The following KL variants were observed in gnomAD, a reference collection of about 807,000 sequenced individuals.
KL encodes klotho, also known as alpha-klotho.
In KL, 62 loss-of-function variants were observed where a neutral mutation model predicts 84.2. The ratio of observed to expected loss-of-function variants is 0.74; its 90% CI spans 0.60 to 0.91. KL has a LOEUF of 0.91. Ranked by LOEUF, KL falls within the 40% of genes least tolerant of loss-of-function variation. The probability of loss-of-function intolerance (pLI) is 0.00; values close to 1 mark genes in which losing one functional copy is unlikely to be tolerated. For synonymous variants in KL, 528 were observed against 528.0 expected (o/e 1.00, Z 0.00); for missense variants, 1,261 against 1,305.7 (o/e 0.97, Z 0.53).
chr13:33,062,830 G>A (rs753089327), intron 4 of KL, among the ~76,000 whole-genome samples: 2 of 152,040 alleles, frequency 1.3e-5, no homozygotes, highest in Non-Finnish European at 2.9e-5. Context: ...AGATTTATTT[G>A]TAAGGGGACC....
In KL at chr13:33,055,725, C is replaced by T. The variant is rs184760662; in HGVS notation, c.1599+410C>T. ...TGAGGCAGGAACATTAGGCAGAGTC[C>T]TCCAGAGGCACAACTGTGGGCTCCA... On this transcript the variant is annotated intron_variant, in intron 3 of 4. Coordinates refer to ENST00000380099, the MANE Select transcript of KL (RefSeq NM_004795.4). 6.6e-3 allele frequency among the ~76,000 whole-genome samples: 1,012 copies of T among 152,264 alleles called. 3 individuals carry two copies. The highest frequency in any genetic ancestry group is 9.4e-3 in the Non-Finnish European group (637 of 68,018).
intron 1 of KL, among the ~76,000 whole-genome samples, chr13:33,028,178 A>G (rs1000725563): frequency 6.6e-6 from 1 of 152,168 alleles, no homozygotes; most frequent in African/African-American, 2.4e-5. Flanking sequence ...GAGAATCATG[A>G]TCTTAGGATC....
chr13:33,055,277 T>G lies in KL; in HGVS notation c.1561T>G (p.Cys521Gly). ...ENQPLEGTFP[C>G]DFAWGVVDNY... Reference sequence around the variant, plus strand: ...TCAGCCCCTAGAAGGGACATTTCCCTGTGACTTTGCTTGGGGAGTTGTTGA... The same window carrying G: ...TCAGCCCCTAGAAGGGACATTTCCCGGTGACTTTGCTTGGGGAGTTGTTGA... The change falls in exon 3 of 5, where the codon TGT becomes GGT. Residue 521 changes from cysteine (C) to glycine (G), a missense_variant. Transcript: ENST00000380099. The G allele has an allele frequency of 6.2e-7, 1 of 1,614,216 alleles. No individual in the cohort carries two copies. Among genetic ancestry groups the G allele is most frequent in the Non-Finnish European group, 8.5e-7 (1 of 1,180,028 alleles).
chr13:33,030,477 C>T (rs1870934848), intron 1 of KL, among the ~76,000 whole-genome samples: 1 of 152,158 alleles, frequency 6.6e-6, no homozygotes, highest in African/African-American at 2.4e-5. Context: ...TTTCATTCTT[C>T]AAGCGCCTTA....
At chr13:33,026,067 T>C (rs1870764956) in intron 1 of KL, among the ~76,000 whole-genome samples, 1 of 152,204 alleles carries the variant, frequency 6.6e-6, no homozygotes, top group Non-Finnish European at 1.5e-5. Flanking sequence ...GATGTATGAT[T>C]ATTAAAAGGC....
At chr13:33,019,770 AAGGAGAAG>A (rs1870507255) in intron 1 of KL, among the ~76,000 whole-genome samples, 1 of 142,524 alleles carries the variant, frequency 7.0e-6, no homozygotes. Context: ...GACAGAAGAG[AAGGAGAAG>A]AGGGGAGAGG....
chr13:33,028,022 G>C (rs1425225705), intron 1 of KL, among the ~76,000 whole-genome samples: 3 of 152,260 alleles, frequency 2.0e-5, no homozygotes, highest in Non-Finnish European at 4.4e-5. Flanking sequence ...AAGAGTTTCA[G>C]TTGGCACTGT....
Position 33,055,126 on chromosome 13 carries a change from C to T in KL, c.1410C>T (p.Tyr470=). The change falls in exon 3 of 5, where the codon TAC becomes TAT. Residue 470 remains tyrosine (Y), a synonymous_variant. Coordinates refer to ENST00000380099, the MANE Select transcript of KL (RefSeq NM_004795.4). The part of the protein sequence containing the change: ...LMDGFEWHRG[Y]SIRRGLFYVD... Reference sequence around the variant, plus strand: ...ATGGTTTCGAGTGGCACAGAGGTTACAGCATCAGGCGTGGACTCTTCTATG... The same window carrying T: ...ATGGTTTCGAGTGGCACAGAGGTTATAGCATCAGGCGTGGACTCTTCTATG... 1 of 1,614,178 alleles carries T rather than the reference C, an allele frequency of 6.2e-7. No individual in the cohort carries two copies. The highest frequency in any genetic ancestry group is 8.5e-7 in the Non-Finnish European group (1 of 1,180,038).
Position 33,064,022 on chromosome 13 carries a change from C to G in KL, c.2875C>G (p.Leu959Val). Residue 959 changes from leucine (L) to valine (V), a missense_variant, in exon 5 of 5, where the codon CTG becomes GTG. By Grantham distance (32) the Leu-to-Val change is conservative (BLOSUM62 1). Coordinates refer to ENST00000380099, the MANE Select transcript of KL (RefSeq NM_004795.4). ...DSNGFPGPET[L>V]ERFCPEEFTV... ...CAATGGTTTCCCGGGCCCAGAAACTCTGGAAAGATTTTGTCCAGAAGAATT... is the reference window on the plus strand; with the variant it reads ...CAATGGTTTCCCGGGCCCAGAAACTGTGGAAAGATTTTGTCCAGAAGAATT... 1 of 1,614,174 alleles carries G rather than the reference C, an allele frequency of 6.2e-7. No homozygotes were observed. Among genetic ancestry groups the G allele is most frequent in the Non-Finnish European group, 8.5e-7 (1 of 1,180,024 alleles).
At chr13:33,035,729 G>A (rs955212970) in intron 1 of KL, among the ~76,000 whole-genome samples, 12 of 152,190 alleles carry the variant, frequency 7.9e-5, no homozygotes, top group African/African-American at 2.9e-4. Context: ...TGATTAATGG[G>A]TTAGATGGAT....
At chr13:33,020,370 C>T (rs1348661975) in intron 1 of KL, among the ~76,000 whole-genome samples, 2 of 152,120 alleles carry the variant, frequency 1.3e-5, no homozygotes, top group East Asian at 1.9e-4. Flanking sequence ...CTCACCTTGC[C>T]TGTAAATAGT....
intron 1 of KL, among the ~76,000 whole-genome samples, chr13:33,049,345 T>G (rs1026062297): frequency 6.6e-6 from 1 of 152,248 alleles, no homozygotes; most frequent in East Asian, 1.9e-4. Flanking sequence ...TATTGAATAC[T>G]GGCTCTGTTG....
In KL at chr13:33,017,177, A is replaced by C. The variant is rs1382293675; in HGVS notation, c.737A>C (p.His246Pro). 1.3e-6 allele frequency: 2 copies of C among 1,599,576 alleles called. No homozygotes were observed. The highest frequency in any genetic ancestry group is 1.7e-6 in the Non-Finnish European group (2 of 1,179,618). ...GACAACCCCTACGTGGTGGCCTGGC[A>C]CGGCTACGCCACCGGGCGCCTGGCC... The part of the protein sequence containing the change: ...TIDNPYVVAW[H>P]GYATGRLAPG... Residue 246 changes from histidine to proline, a missense_variant, in exon 1 of 5, where the codon CAC becomes CCC. Physicochemically the swap from His to Pro is moderately conservative, Grantham distance 77. Transcript: ENST00000380099.
In KL at chr13:33,055,167, A is replaced by G; in HGVS notation, c.1451A>G (p.Gln484Arg). The G allele has an allele frequency of 6.2e-7, 1 of 1,614,248 alleles. No individual in the cohort carries two copies. Among genetic ancestry groups the G allele is most frequent in the Admixed American group, 1.7e-5 (1 of 60,028 alleles). The change falls in exon 3 of 5, where the codon CAG becomes CGG. Residue 484 changes from glutamine to arginine, a missense_variant. Transcript: ENST00000380099. ...CTCTTCTATGTTGACTTTCTAAGCCAGGACAAGATGTTGTTGCCAAAGTCT... is the reference window on the plus strand; with the variant it reads ...CTCTTCTATGTTGACTTTCTAAGCCGGGACAAGATGTTGTTGCCAAAGTCT... The part of the protein sequence containing the change: ...RGLFYVDFLS[Q>R]DKMLLPKSSA...
At chr13:33,040,119 T>C (rs531676158) in intron 1 of KL, among the ~76,000 whole-genome samples, 1 of 152,324 alleles carries the variant, frequency 6.6e-6, no homozygotes, top group East Asian at 1.9e-4. Context: ...TTTTTGTGGA[T>C]AAAGTTGTAG....
chr13:33,027,468 A>G (rs1276298108), intron 1 of KL, among the ~76,000 whole-genome samples: 1 of 152,224 alleles, frequency 6.6e-6, no homozygotes, highest in East Asian at 1.9e-4. Flanking sequence ...CTGCAAGTCT[A>G]TCAGGTCCTA....
rs376133578 is a variant in KL, at chr13:33,061,602, C to T, written c.2523C>T (p.Ser841=). 22 of 1,614,050 alleles carry T rather than the reference C, an allele frequency of 1.4e-5. No homozygotes were observed. Among genetic ancestry groups the T allele is most frequent in the Non-Finnish European group, 1.8e-5 (21 of 1,180,046 alleles). ...QEMTDITWLN[S]PSQVAVVPWG... ...TGACCGACATCACGTGGCTCAACTCCCCCAGTCAGGTGGCGGTAGTGCCCT... is the reference window on the plus strand; with the variant it reads ...TGACCGACATCACGTGGCTCAACTCTCCCAGTCAGGTGGCGGTAGTGCCCT... The change falls in exon 4 of 5, where the codon TCC becomes TCT. Residue 841 remains serine, a synonymous_variant. Transcript: ENST00000380099.
chr13:33,057,326 A>G (rs907580504), intron 3 of KL, among the ~76,000 whole-genome samples: 13 of 152,158 alleles, frequency 8.5e-5, no homozygotes, highest in Non-Finnish European at 1.5e-5. Context: ...TCTATTCCTC[A>G]TCAGGGGGCT....
intron 1 of KL, among the ~76,000 whole-genome samples, chr13:33,036,042 A>G (rs528449863): frequency 1.3e-5 from 2 of 152,288 alleles, no homozygotes; most frequent in East Asian, 3.9e-4. Context: ...CAAAACTCCA[A>G]AATTACAACA....
Sources: allele counts gnomAD v4.1 joint callset (sites outside exome capture counted in the v4.1 genomes callset), GRCh38; gene constraint gnomAD v4.1.1; transcripts MANE v1.5; gene names NCBI Gene and HGNC (gene_info 2026-07-23, HGNC 2026-07-21).